The following DCUN1D1 variants were observed in gnomAD, a reference collection of about 807,000 sequenced individuals.
DCUN1D1 encodes DCN1-like protein 1.
In DCUN1D1, 3 loss-of-function variants were observed where a neutral mutation model predicts 39.0. The observed-to-expected ratio is 0.08, with a 90% CI of 0.04 to 0.20. The LOEUF is 0.20. Ranked by LOEUF, DCUN1D1 falls within the 10% of genes least tolerant of loss-of-function variation. The pLI, the probability that DCUN1D1 is intolerant of heterozygous loss-of-function variation, is 1.00. For synonymous variants in DCUN1D1, 82 were observed against 96.3 expected (o/e 0.85, Z 0.87); for missense variants, 158 against 302.4 (o/e 0.52, Z 3.54).
At chr3:182,967,934 GT>G (rs1727752330) in intron 1 of DCUN1D1, among the ~76,000 whole-genome samples, 1 of 152,308 alleles carries the variant, frequency 6.6e-6, no homozygotes, top group African/African-American at 2.4e-5. Context: ...ACCCTAACAT[GT>G]TTTAATCCTC....
chr3:182,975,245 C>T (rs969636659), intron 1 of DCUN1D1, among the ~76,000 whole-genome samples: 35 of 150,022 alleles, frequency 2.3e-4, no homozygotes, highest in Middle Eastern at 3.2e-3. Context: ...GGTGCGATCT[C>T]GGCTCACTGC....
intron 1 of DCUN1D1, among the ~76,000 whole-genome samples, chr3:182,973,671 G>C (rs1007139621): frequency 6.6e-6 from 1 of 152,040 alleles, no homozygotes; most frequent in Non-Finnish European, 1.5e-5. Context: ...GCTGGGCATG[G>C]TGGCGTGCGC....
chr3:182,980,634 C>G, upstream of DCUN1D1: 5 of 1,011,522 alleles, frequency 4.9e-6, no homozygotes, highest in Non-Finnish European at 5.9e-6. Flanking sequence ...GGAGGCAGCC[C>G]CGGACCTCGG....
Position 182,975,263 on chromosome 3 carries a change from A to G in DCUN1D1, c.3+5224T>C, listed in dbSNP as rs527839572. 8.3e-5 allele frequency among the ~76,000 whole-genome samples: 12 copies of G among 145,080 alleles called. No homozygotes were observed. The South Asian group carries it at 2.6e-3, about 31-fold the overall frequency. On this transcript the variant is annotated intron_variant, in intron 1 of 6. Coordinates refer to ENST00000292782, the MANE Select transcript of DCUN1D1 (RefSeq NM_020640.4). ...GCGATCTCGGCTCACTGCAAGCTCCACCTCCTGGGTTCACGCCAGTCTCCC... is the reference window on the plus strand; with the variant it reads ...GCGATCTCGGCTCACTGCAAGCTCCGCCTCCTGGGTTCACGCCAGTCTCCC...
chr3:182,980,580 G>A, upstream of DCUN1D1: 33 of 1,149,858 alleles, frequency 2.9e-5, no homozygotes, highest in Middle Eastern at 2.8e-4. Flanking sequence ...GGGCTTGCCC[G>A]GCTCCCGCTC....
rs1332464812 is a variant in DCUN1D1 at position 182,963,954 on chromosome 3, C to A, written c.316G>T (p.Ala106Ser). The A allele has an allele frequency of 6.2e-7, 1 of 1,614,028 alleles. No homozygotes were observed. Residue 106 changes from alanine (A) to serine (S), a missense_variant, in exon 3 of 7, where the codon GCG becomes TCG. Physicochemically the swap from Ala to Ser is moderately conservative, Grantham distance 99. This residue lies in a region of DCUN1D1 where 107 missense variants were observed against 174.7 expected (regional missense o/e 0.61). Coordinates refer to ENST00000292782, the MANE Select transcript of DCUN1D1 (RefSeq NM_020640.4). ...DPASISVLII[A>S]WKFRAATQCE... The stretch of plus-strand genomic sequence containing the variant: ...TGTGTTGCTGCTCTGAACTTCCACG[C>A]AATAATCAACACACTAATGCTGGCT...
upstream of DCUN1D1, among the ~76,000 whole-genome samples, chr3:182,984,177 G>A (rs1376125153): frequency 6.6e-6 from 1 of 152,172 alleles, no homozygotes; most frequent in Non-Finnish European, 1.5e-5. Context: ...AGGAATGCTT[G>A]TTCTCCTTGG....
intron 4 of DCUN1D1, among the ~76,000 whole-genome samples, chr3:182,957,919 C>T (rs1222009636): frequency 9.6e-6 from 1 of 104,498 alleles, no homozygotes; most frequent in African/African-American, 3.8e-5. Context: ...GCCTGGGCAA[C>T]AGAGCAAGAC....
rs1726174289 is a variant in DCUN1D1, at chr3:182,942,301, G to A, written c.*2793C>T. The A allele has an allele frequency of 6.6e-6, 1 of 151,936 alleles. No homozygotes were observed. Among genetic ancestry groups the A allele is most frequent in the Admixed American group, 6.6e-5 (1 of 15,234 alleles). 9.4% of individuals were successfully genotyped at this position (151,936 alleles called of 1,614,324 possible). On this transcript the variant is annotated 3_prime_UTR_variant, in exon 7 of 7. Coordinates refer to ENST00000292782, the MANE Select transcript of DCUN1D1 (RefSeq NM_020640.4). ...TTTCCATGAATAATTATTCTTCCTA[G>A]AAAAGTTTTCAGGTATATTTTAAAT...
At chr3:182,961,199 C>A in intron 4 of DCUN1D1, 27 bp downstream of exon 4, 1 of 1,419,452 alleles carries the variant, frequency 7.0e-7, no homozygotes, top group Non-Finnish European at 9.7e-7. Flanking sequence ...ATCTGAAACA[C>A]CAAATATAAT....
chr3:182,980,128 G>A (rs1399377265), intron 1 of DCUN1D1: 3 of 938,714 alleles, frequency 3.2e-6, no homozygotes, highest in Non-Finnish European at 2.5e-6. Flanking sequence ...CGGCAGAGGG[G>A]CAGGGGCAAG....
At chr3:182,965,781 C>T (rs749598839) in intron 1 of DCUN1D1, 28 bp from the exon 2 acceptor site, 1 of 1,494,616 alleles carries the variant, frequency 6.7e-7, no homozygotes, top group Non-Finnish European at 9.3e-7. Flanking sequence ...TAAACTGAAA[C>T]TCTATGTAAA....
chr3:182,950,635 C>T (rs2108628400), intron 4 of DCUN1D1: 1 of 152,122 alleles, frequency 6.6e-6, no homozygotes, highest in African/African-American at 2.4e-5. Flanking sequence ...TGAAATAGCA[C>T]TCAGAGTCTT....
At chr3:182,946,930 T>C (rs1227231107) in intron 6 of DCUN1D1, among the ~76,000 whole-genome samples, 1 of 152,016 alleles carries the variant, frequency 6.6e-6, no homozygotes, top group African/African-American at 2.4e-5. Context: ...GCAAGACCCC[T>C]GCTTCTATAA....
In DCUN1D1 at chr3:182,964,009, C is replaced by T; in HGVS notation, c.261G>A (p.Gln87=). Residue 87 remains glutamine (Q), a synonymous_variant, in exon 3 of 7, where the codon CAG becomes CAA. Transcript: ENST00000292782. ...DENKIGIDGI[Q]QFCDDLALDP... ...CGAGTGCCAGGTCATCACAGAACTG[C>T]TGTATGCCATCTATTCCAATTTTAT... 1 of 1,613,710 alleles carries T rather than the reference C, an allele frequency of 6.2e-7. No individual in the cohort carries two copies.
At chr3:182,947,128 T>A in intron 6 of DCUN1D1, 110 bp downstream of exon 6, 1 of 606,014 alleles carries the variant, frequency 1.7e-6, no homozygotes. Flanking sequence ...AAACAAAAGC[T>A]CAGCGGAGGG....
At chr3:182,948,332 T>C (rs1726521705) in intron 4 of DCUN1D1, among the ~76,000 whole-genome samples, 1 of 152,178 alleles carries the variant, frequency 6.6e-6, no homozygotes, top group Non-Finnish European at 1.5e-5. Flanking sequence ...CCAAAGACAA[T>C]ATAAATGACT....
rs1577147115 is a variant in DCUN1D1 at position 182,938,874 on chromosome 3, G to A, written c.*6220C>T. 6.6e-6 allele frequency: 1 copy of A among 152,264 alleles called. No individual in the cohort carries two copies. The highest frequency in any genetic ancestry group is 1.9e-4 in the East Asian group (1 of 5,198). The allele number at this position is 152,264 out of a possible 1,614,324, so 9.4% of individuals were successfully genotyped here. A position where few individuals can be genotyped will look rare whatever the true frequency, so the allele number is the denominator to read the frequency against. On this transcript the variant is annotated 3_prime_UTR_variant, in exon 7 of 7. Transcript: ENST00000292782. Reference sequence around the variant, plus strand: ...TAATTACCACCACCAGTCAGTCATAGGCTAGTCGAGTAGCTGTATCAACCT... The same window carrying A: ...TAATTACCACCACCAGTCAGTCATAAGCTAGTCGAGTAGCTGTATCAACCT...
At chr3:182,984,374 T>C (rs924005196), upstream of DCUN1D1, among the ~76,000 whole-genome samples, 4 of 152,228 alleles carry the variant, frequency 2.6e-5, no homozygotes, top group African/African-American at 9.6e-5. Flanking sequence ...ATCCTGAAGA[T>C]AAAGTATAAA....
Sources: allele counts gnomAD v4.1 joint callset (sites outside exome capture counted in the v4.1 genomes callset), GRCh38; gene constraint gnomAD v4.1.1; regional missense constraint gnomAD v4.1.1; transcripts MANE v1.5; gene names NCBI Gene and HGNC (gene_info 2026-07-23, HGNC 2026-07-21).